The following TPX2 variants were observed in gnomAD, a reference collection of about 807,000 sequenced individuals.
TPX2 encodes TPX2 microtubule nucleation factor.
A neutral mutation model predicts 93.6 loss-of-function variants in TPX2; 21 were observed. The observed-to-expected ratio is 0.22, with a 90% CI of 0.16 to 0.32. TPX2 has a LOEUF of 0.32. TPX2 is among the 10% of genes least tolerant of loss of function. TPX2 has a pLI of 1.00. For missense variants in TPX2, 776 were observed against 871.1 expected (o/e 0.89, Z 1.37); for synonymous variants, 281 against 298.3 (o/e 0.94, Z 0.60).
intron 15 of TPX2, 33 bp from the exon 16 acceptor site, chr20:31,797,371 C>T (rs1442743933): frequency 1.3e-6 from 2 of 1,592,038 alleles, no homozygotes; most frequent in Non-Finnish European, 1.7e-6. Context: ...AAAGGTGAGA[C>T]ATTGCTCATC....
At position 31,788,776 on chromosome 20, in the gene TPX2, C is replaced by T. The variant is rs117727839; in HGVS notation, c.1414-3959C>T. Among the ~76,000 whole-genome samples, 208 of 152,310 alleles carry T rather than the reference C, an allele frequency of 1.4e-3. 3 individuals carry two copies. The highest frequency in any genetic ancestry group is 8.3e-3 in the East Asian group (43 of 5,182). ...GAACTTGGTGCTGACCTCTATTGGGCAGCCGGGGCACCACGGAGGTGGATG... is the reference window on the plus strand; with the variant it reads ...GAACTTGGTGCTGACCTCTATTGGGTAGCCGGGGCACCACGGAGGTGGATG... On this transcript the variant is annotated intron_variant, in intron 12 of 17. Coordinates refer to ENST00000300403, the MANE Select transcript of TPX2 (RefSeq NM_012112.5).
chr20:31,759,450 A>G (rs1425962364), intron 3 of TPX2, among the ~76,000 whole-genome samples: 3 of 118,898 alleles, frequency 2.5e-5, no homozygotes, highest in South Asian at 5.3e-4. Flanking sequence ...GCCAGGCTGT[A>G]GTGCAGTGGT....
chr20:31,798,291 T>C lies in TPX2; in HGVS notation c.1946-74T>C, dbSNP rs562798531. 8 of 1,583,134 alleles carry C rather than the reference T, an allele frequency of 5.1e-6. No individual in the cohort carries two copies. The South Asian group carries it at 8.9e-5, about 18-fold the overall frequency. On this transcript the variant is annotated intron_variant, in intron 16 of 17. Transcript: ENST00000300403. ...CTGTTAGTGTGCATGTCTGTGCCAC[T>C]TGCTCATTCCAGGGGGCGTAGGTTT...
Position 31,760,176 on chromosome 20 carries a change from C to G in TPX2, c.226C>G (p.Pro76Ala). 4 of 1,613,320 alleles carry G rather than the reference C, an allele frequency of 2.5e-6. No homozygotes were observed. The highest frequency in any genetic ancestry group is 3.4e-6 in the Non-Finnish European group (4 of 1,179,734). The change falls in exon 4 of 18, where the codon CCA becomes GCA. Residue 76 changes from proline to alanine, a missense_variant. This residue lies in a region of TPX2 where 279 missense variants were observed against 261.6 expected (regional missense o/e 1.07). Coordinates refer to ENST00000300403, the MANE Select transcript of TPX2 (RefSeq NM_012112.5). ...LQQAIVTPLK[P>A]VDNTYYKEAE... ...GCAAGCTATTGTCACACCTTTGAAACCAGGTAAGAAAACATCTTAGAAAAA... is the reference window on the plus strand; with the variant it reads ...GCAAGCTATTGTCACACCTTTGAAAGCAGGTAAGAAAACATCTTAGAAAAA...
intron 12 of TPX2, among the ~76,000 whole-genome samples, chr20:31,786,346 G>A (rs1600388482): frequency 6.7e-6 from 1 of 149,008 alleles, no homozygotes; most frequent in Admixed American, 6.7e-5. Flanking sequence ...AAAAACAACA[G>A]TCTACACCTC....
chr20:31,788,327 A>G (rs2062079985), intron 12 of TPX2, among the ~76,000 whole-genome samples: 2 of 149,758 alleles, frequency 1.3e-5, no homozygotes. Flanking sequence ...CTGAGGCAGG[A>G]GAATTGCATG....
At chr20:31,775,363 C>T (rs2061989325) in intron 7 of TPX2, among the ~76,000 whole-genome samples, 1 of 151,658 alleles carries the variant, frequency 6.6e-6, no homozygotes, top group African/African-American at 2.4e-5. Context: ...ATAAAGTGTG[C>T]ATTTTCTTGT....
In TPX2 at chr20:31,794,385, G is replaced by C; in HGVS notation, c.1687-17G>C. 6.2e-7 allele frequency: 1 copy of C among 1,611,500 alleles called. No homozygotes were observed. Among genetic ancestry groups the C allele is most frequent in the Non-Finnish European group, 8.5e-7 (1 of 1,179,264 alleles). ...AGCTAGTCTTTATCTTAAACCTCAT[G>C]TTTTCTTTTCTGTTAGGTGCCCAAG... On this transcript the variant is annotated splice_polypyrimidine_tract_variant and intron_variant, in intron 14 of 17. Transcript: ENST00000300403.
intron 3 of TPX2, among the ~76,000 whole-genome samples, chr20:31,759,202 A>G (rs2061871480): frequency 6.6e-6 from 1 of 152,058 alleles, no homozygotes; most frequent in Non-Finnish European, 1.5e-5. Context: ...TGTTGGTAGA[A>G]CAGACCCTTC....
chr20:31,751,770 C>T (rs2061821240), intron 2 of TPX2, among the ~76,000 whole-genome samples: 1 of 152,160 alleles, frequency 6.6e-6, no homozygotes, highest in Non-Finnish European at 1.5e-5. Context: ...GAGATGAAGT[C>T]TCACTCTTGT....
At chr20:31,786,751 T>A (rs2123070250) in intron 12 of TPX2, among the ~76,000 whole-genome samples, 1 of 152,280 alleles carries the variant, frequency 6.6e-6, no homozygotes, top group East Asian at 1.9e-4. Flanking sequence ...TTGTCAGTTG[T>A]GTGTACTCTA....
chr20:31,766,459 GT>G, intron 4 of TPX2, 96 bp from the exon 5 acceptor site: 1 of 883,034 alleles, frequency 1.1e-6, no homozygotes, highest in East Asian at 2.9e-5. Flanking sequence ...GACAGGGTGT[GT>G]GTGTGTGTGT....
At chr20:31,744,707 T>C (rs556712066) in intron 2 of TPX2, among the ~76,000 whole-genome samples, 1 of 152,266 alleles carries the variant, frequency 6.6e-6, no homozygotes, top group South Asian at 2.1e-4. Flanking sequence ...CAAATTTTTC[T>C]ACAACATAAT....
intron 6 of TPX2, 85 bp from the exon 7 acceptor site, chr20:31,771,475 A>C: frequency 2.0e-6 from 3 of 1,499,128 alleles, no homozygotes; most frequent in Non-Finnish European, 2.7e-6. Context: ...AGAAAATTTA[A>C]TCCATATGCA....
intron 14 of TPX2, among the ~76,000 whole-genome samples, 163 bp downstream of exon 14, chr20:31,794,187 CA>C (rs1187536454): frequency 1.3e-5 from 2 of 152,164 alleles, no homozygotes; most frequent in Non-Finnish European, 2.9e-5. Context: ...ATCCTTCTGG[CA>C]CAAGGAGGTT....
In TPX2 at chr20:31,783,670, T is replaced by A. The variant is rs754313420; in HGVS notation, c.1197-35T>A. The A allele has an allele frequency of 6.4e-6, 10 of 1,558,732 alleles. 1 individual carries two copies. The highest frequency in any genetic ancestry group is 4.8e-5 in the South Asian group (4 of 83,132). ...TTGTGAAGTTTTCATTTTATTAAAA[T>A]TTTTTTTGTGGTTATTTAAATTTTC... On this transcript the variant is annotated intron_variant, in intron 11 of 17. Transcript: ENST00000300403.
chr20:31,796,808 A>T lies in TPX2; in HGVS notation c.1834-596A>T, dbSNP rs1483305872. 2.7e-5 allele frequency among the ~76,000 whole-genome samples: 4 copies of T among 150,868 alleles called. No homozygotes were observed. The East Asian group carries it at 7.8e-4, about 29-fold the overall frequency. On this transcript the variant is annotated intron_variant, in intron 15 of 17. Transcript: ENST00000300403. ...AGAAAATGTCTAGTTGTTTATTTTT[A>T]TGATATAAAGATAGGTCTTAAAAGT...
chr20:31,787,604 A>G, intron 12 of TPX2, among the ~76,000 whole-genome samples: 1 of 152,150 alleles, frequency 6.6e-6, no homozygotes. Context: ...TTCATATTTT[A>G]AGGGGAAAGG....
Position 31,794,491 on chromosome 20 carries a change from T to A in TPX2, c.1776T>A (p.Pro592=). 6.2e-7 allele frequency: 1 copy of A among 1,614,118 alleles called. No individual in the cohort carries two copies. ...KKVKNVTQIE[P]FCLETDRRGA... ...TAAAGAATGTGACCCAGATTGAACC[T>A]TTCTGCTTGGAGACTGACAGAAGAG... Residue 592 remains proline, a synonymous_variant, in exon 15 of 18, where the codon CCT becomes CCA. Transcript: ENST00000300403.
Sources: gnomAD v4.1 joint callset for allele counts (sites outside exome capture counted in the v4.1 genomes callset) on GRCh38, gnomAD v4.1.1 for gene constraint, gnomAD v4.1.1 regional missense constraint, MANE v1.5 for transcripts, NCBI Gene and HGNC (gene_info 2026-07-23, HGNC 2026-07-21) for gene names.